NFIA: variants seen among roughly 807,000 people sequenced by gnomAD.
NFIA encodes the protein nuclear factor 1 A-type.
Under a neutral mutation model 62.8 loss-of-function variants are expected in NFIA, and 8 were observed. The ratio of observed to expected loss-of-function variants is 0.13; its 90% CI spans 0.07 to 0.23. NFIA has a LOEUF of 0.23. NFIA is among the 10% of genes least tolerant of loss of function. The probability of loss-of-function intolerance (pLI) is 1.00; values close to 1 mark genes in which losing one functional copy is unlikely to be tolerated. For synonymous variants in NFIA, 235 were observed against 238.1 expected (o/e 0.99, Z 0.12); for missense variants, 410 against 642.1 (o/e 0.64, Z 3.91).
At chr1:61,337,664 T>A (rs1187362227) in intron 4 of NFIA, among the ~76,000 whole-genome samples, 2 of 152,212 alleles carry the variant, frequency 1.3e-5, no homozygotes, top group Non-Finnish European at 2.9e-5. Context: ...TTGAAATGGC[T>A]CTTACATGAT....
At chr1:61,218,382 C>T (rs1279961811) in intron 2 of NFIA, among the ~76,000 whole-genome samples, 1 of 152,132 alleles carries the variant, frequency 6.6e-6, no homozygotes, top group Non-Finnish European at 1.5e-5. Flanking sequence ...GTATAGTCGT[C>T]GCTTGGTATC....
At chr1:61,298,323 C>G (rs1659301737) in intron 3 of NFIA, among the ~76,000 whole-genome samples, 1 of 152,008 alleles carries the variant, frequency 6.6e-6, no homozygotes, top group South Asian at 2.1e-4. Context: ...CCCAGCCATG[C>G]AGAACTGTGA....
chr1:61,162,225 G>C (rs552567010), intron 2 of NFIA, among the ~76,000 whole-genome samples: 3 of 152,104 alleles, frequency 2.0e-5, no homozygotes, highest in Non-Finnish European at 4.4e-5. Context: ...CCTAGAGCGA[G>C]GAGTCACCTG....
intron 9 of NFIA, among the ~76,000 whole-genome samples, chr1:61,414,466 A>G (rs2100537886): frequency 6.6e-6 from 1 of 152,130 alleles, no homozygotes; most frequent in East Asian, 1.9e-4. Context: ...TTCAACCTAG[A>G]GCTCATAGGC....
chr1:61,458,462 T>A lies in NFIA; in HGVS notation c.*3142T>A, dbSNP rs966334181. ...GAATAAACTGCCCGCTCAGAAGATA[T>A]GTAATTTGTATTGTTGTATAGTTTT... On this transcript the variant is annotated 3_prime_UTR_variant, in exon 11 of 11. Transcript: ENST00000403491. The A allele has an allele frequency of 1.3e-5, 2 of 152,140 alleles. No individual in the cohort carries two copies. The highest frequency in any genetic ancestry group is 2.4e-5 in the African/African-American group (1 of 41,434). 9.4% of individuals were successfully genotyped at this position (152,140 alleles called of 1,614,324 possible).
chr1:61,167,772 A>T (rs1395141368), intron 2 of NFIA, among the ~76,000 whole-genome samples: 1 of 152,090 alleles, frequency 6.6e-6, no homozygotes, highest in Admixed American at 6.5e-5. Flanking sequence ...AGGTGTTATG[A>T]TCCTTTTAGT....
At chr1:61,440,467 A>G (rs1380177132) in intron 10 of NFIA, among the ~76,000 whole-genome samples, 1 of 152,238 alleles carries the variant, frequency 6.6e-6, no homozygotes, top group Non-Finnish European at 1.5e-5. Context: ...CCTCCTTTTG[A>G]AGAAAGAAGT....
Position 61,164,095 on chromosome 1 carries a change from A to AT in NFIA, c.559+75424dup, listed in dbSNP as rs201732609. Among the ~76,000 whole-genome samples, 1,388 of 151,922 alleles carry AT rather than the reference A, an allele frequency of 9.1e-3. 17 individuals carry two copies. The highest frequency in any genetic ancestry group is 0.061 in the Middle Eastern group (18 of 294). ...TAGTTTAACAGTGGTCTAAACAAAG[A>AT]TTTTTTTTTCTTACATAGCAGTGAG... On this transcript the variant is annotated intron_variant, in intron 2 of 10. Transcript: ENST00000403491.
At chr1:61,290,547 A>G (rs1658812525) in intron 3 of NFIA, among the ~76,000 whole-genome samples, 3 of 152,230 alleles carry the variant, frequency 2.0e-5, no homozygotes, top group Admixed American at 6.5e-5. Flanking sequence ...TTTTAAAATT[A>G]CAAATGCTAC....
At chr1:61,266,371 TTTTTA>T (rs145186533) in intron 2 of NFIA, among the ~76,000 whole-genome samples, 1 of 151,752 alleles carries the variant, frequency 6.6e-6, no homozygotes, top group East Asian at 1.9e-4. Flanking sequence ...CTTTCTTTAT[TTTTTA>T]TTTTATTTTA....
At chr1:61,317,555 G>A (rs1014812119) in intron 3 of NFIA, among the ~76,000 whole-genome samples, 39 of 151,860 alleles carry the variant, frequency 2.6e-4, no homozygotes, top group African/African-American at 8.7e-4. Flanking sequence ...CTCACTTTTT[G>A]TAGAAAAATC....
chr1:61,408,523 C>T lies in NFIA; in HGVS notation c.1420+1796C>T, dbSNP rs571774261. On this transcript the variant is annotated intron_variant, in intron 9 of 10. Coordinates refer to ENST00000403491, the MANE Select transcript of NFIA (RefSeq NM_001134673.4). The stretch of plus-strand genomic sequence containing the variant: ...ATGCCTCTGCATACCATTTTCTGCT[C>T]GTCTTCTCTCTGTCTGTGCAGGACA... Among the ~76,000 whole-genome samples the T allele has an allele frequency of 3.3e-5, 5 of 152,314 alleles. No individual in the cohort carries two copies. The East Asian group carries it at 9.6e-4, about 29-fold the overall frequency.
At chr1:61,437,805 A>G (rs999243503) in intron 10 of NFIA, among the ~76,000 whole-genome samples, 1 of 152,146 alleles carries the variant, frequency 6.6e-6, no homozygotes, top group Non-Finnish European at 1.5e-5. Context: ...GGCAGGAGGA[A>G]CAGTGCATGC....
intron 2 of NFIA, among the ~76,000 whole-genome samples, chr1:61,091,097 A>G (rs984001980): frequency 2.0e-5 from 3 of 152,244 alleles, no homozygotes; most frequent in African/African-American, 7.2e-5. Context: ...TTCAAGATAC[A>G]TGCCAAAACC....
chr1:61,211,917 G>A (rs962254211), intron 2 of NFIA, among the ~76,000 whole-genome samples: 7 of 152,092 alleles, frequency 4.6e-5, no homozygotes, highest in African/African-American at 9.7e-5. Context: ...GGCTGGTCTC[G>A]AACTTGTGAA....
intron 2 of NFIA, among the ~76,000 whole-genome samples, chr1:61,192,106 G>A (rs1287040523): frequency 1.3e-5 from 2 of 151,946 alleles, no homozygotes; most frequent in Admixed American, 6.6e-5. Context: ...CTACAGGTGC[G>A]TGACACCACA....
intron 2 of NFIA, among the ~76,000 whole-genome samples, chr1:61,120,055 G>A (rs1646862936): frequency 6.6e-6 from 1 of 152,176 alleles, no homozygotes; most frequent in African/African-American, 2.4e-5. Context: ...CAAGGCCAAG[G>A]TAAAGGGATT....
intron 2 of NFIA, among the ~76,000 whole-genome samples, chr1:61,237,256 A>G (rs1655065372): frequency 6.6e-6 from 1 of 152,246 alleles, no homozygotes; most frequent in African/African-American, 2.4e-5. Flanking sequence ...CTCCCAACTC[A>G]GAAAAATATG....
intron 3 of NFIA, among the ~76,000 whole-genome samples, chr1:61,279,576 G>A (rs1379622392): frequency 2.0e-5 from 3 of 151,942 alleles, no homozygotes; most frequent in Non-Finnish European, 2.9e-5. Flanking sequence ...TATTGTATTT[G>A]TGCATAATCT....
Sources: gnomAD v4.1 joint callset for allele counts (sites outside exome capture counted in the v4.1 genomes callset) on GRCh38, gnomAD v4.1.1 for gene constraint, MANE v1.5 for transcripts, NCBI Gene and HGNC (gene_info 2026-07-23, HGNC 2026-07-21) for gene names.